AFDN: variants seen among roughly 807,000 people sequenced by gnomAD.
AFDN encodes afadin, adherens junction formation factor.
A neutral mutation model predicts 216.6 loss-of-function variants in AFDN; 68 were observed. The observed-to-expected ratio is 0.31, with a 90% confidence interval of 0.26 to 0.38. AFDN has a LOEUF of 0.38. Among genes scored for constraint, AFDN ranks in the 10% least tolerant of loss-of-function variants. The probability of loss-of-function intolerance (pLI) is 1.00; values close to 1 mark genes in which losing one functional copy is unlikely to be tolerated. For synonymous variants in AFDN, 868 were observed against 853.7 expected, an observed-to-expected ratio of 1.02 and a Z score of -0.29; for missense variants, 2,136 against 2,342.0, an observed-to-expected ratio of 0.91 and a Z score of 1.82.
At chr6:167,903,353 CCT>C (rs1789233479) in intron 12 of AFDN, among the ~76,000 whole-genome samples, 1 of 152,172 alleles carries the variant, frequency 6.6e-6, no homozygotes, top group Non-Finnish European at 1.5e-5. Flanking sequence ...GCCCACTGAC[CCT>C]CTCTCTGTGC....
chr6:167,950,873 T>TA (rs5881757), intron 29 of AFDN, among the ~76,000 whole-genome samples: 2,628 of 149,376 alleles, frequency 0.018, 34 homozygotes, highest in Non-Finnish European at 0.03. Context: ...TTTTTTTTTT[T>TA]AAATTTTAGT....
intron 30 of AFDN, among the ~76,000 whole-genome samples, chr6:167,958,060 C>T (rs958930235): frequency 6.6e-6 from 1 of 152,188 alleles, no homozygotes; most frequent in African/African-American, 2.4e-5. Context: ...ATCCAAAACT[C>T]TTTGAGCACC....
At chr6:167,889,150 C>A (rs1787244262) in intron 6 of AFDN, 65 bp from the exon 7 acceptor site, 2 of 1,052,414 alleles carry the variant, frequency 1.9e-6, no homozygotes, top group South Asian at 1.4e-5. Context: ...TAAATGTGTT[C>A]TTTTAAGTAC....
intron 11 of AFDN, among the ~76,000 whole-genome samples, chr6:167,902,041 C>T (rs1006932247): frequency 6.9e-6 from 1 of 144,334 alleles, no homozygotes; most frequent in African/African-American, 2.6e-5. Flanking sequence ...TGCAGTGAGC[C>T]GAAATTGTGC....
rs1785225366 is a variant in AFDN, at chr6:167,875,267, T to C, written c.579-68T>C. On this transcript the variant is annotated intron_variant, in intron 4 of 33. Coordinates refer to ENST00000683244, the MANE Select transcript of AFDN (RefSeq NM_001386888.1). Reference sequence around the variant, plus strand: ...ACCTGCCATTTTGATTTTTGTGCGGTTGCAATGTGTCTATTTCTAATAAGA... The same window carrying C: ...ACCTGCCATTTTGATTTTTGTGCGGCTGCAATGTGTCTATTTCTAATAAGA... 7 of 1,482,280 alleles carry C rather than the reference T, an allele frequency of 4.7e-6. No homozygotes were observed. The South Asian group carries it at 7.7e-5, about 16-fold the overall frequency. 91.8% of individuals were successfully genotyped at this position (1,482,280 alleles called of 1,614,324 possible). A position where few individuals can be genotyped will look rare whatever the true frequency, so the allele number is the denominator to read the frequency against.
chr6:167,862,595 G>C (rs561842724), intron 1 of AFDN, among the ~76,000 whole-genome samples: 1 of 152,126 alleles, frequency 6.6e-6, no homozygotes, highest in Non-Finnish European at 1.5e-5. Flanking sequence ...GGCTGGTCTC[G>C]AACTCCTGAT....
intron 1 of AFDN, among the ~76,000 whole-genome samples, chr6:167,850,255 C>G (rs969188875): frequency 1.3e-5 from 2 of 152,078 alleles, no homozygotes; most frequent in Non-Finnish European, 2.9e-5. Context: ...TCCCAACCCC[C>G]CTCTCGCTCA....
chr6:167,917,465 A>AGAGGAGAG (rs1350730063), intron 20 of AFDN, among the ~76,000 whole-genome samples: 1 of 152,210 alleles, frequency 6.6e-6, no homozygotes, highest in Non-Finnish European at 1.5e-5. Flanking sequence ...CAGAAGGACT[A>AGAGGAGAG]GAGGAGAGGA....
Position 167,965,840 on chromosome 6 carries a change from G to T in AFDN, c.5052G>T (p.Glu1684Asp). 1.3e-6 allele frequency: 2 copies of T among 1,550,476 alleles called. No individual in the cohort carries two copies. Among genetic ancestry groups the T allele is most frequent in the Non-Finnish European group, 1.7e-6 (2 of 1,147,094 alleles). The stretch of plus-strand genomic sequence containing the variant: ...ACGAGGCGGCGCGCAGGTTGCTGGA[G>T]CCCGAGGCGCCCGGTCTGTGCCGCC... Reference protein sequence around the residue: ...QHDEAARRLLEPEAPGLCRPP... With the variant: ...QHDEAARRLLDPEAPGLCRPP... The change falls in exon 32 of 34, where the codon GAG becomes GAT. Residue 1684 changes from glutamate (E) to aspartate (D), a missense_variant. Around this residue, in one of 8 missense-constraint regions of AFDN, gnomAD observed 981 missense variants for 966.0 expected, o/e 1.02. Transcript: ENST00000683244.
At chr6:167,889,402 T>C (rs1787282868) in intron 7 of AFDN, 76 bp downstream of exon 7, 3 of 990,664 alleles carry the variant, frequency 3.0e-6, no homozygotes, top group Non-Finnish European at 4.8e-6. Flanking sequence ...TCACATGATG[T>C]AGGAGATGTG....
chr6:167,936,672 C>T (rs1041458457), intron 23 of AFDN, among the ~76,000 whole-genome samples: 1 of 151,962 alleles, frequency 6.6e-6, no homozygotes, highest in African/African-American at 2.4e-5. Flanking sequence ...GCTCGACAGA[C>T]GACAGTTTGC....
chr6:167,930,113 G>A (rs1390953890), intron 23 of AFDN, among the ~76,000 whole-genome samples: 1 of 152,170 alleles, frequency 6.6e-6, no homozygotes, highest in African/African-American at 2.4e-5. Context: ...GCTGAGGCAG[G>A]AGGATGGTTT....
rs555107900 is a variant in AFDN, at chr6:167,946,628, C to CA, written c.3359-77dup. ...ATCACCTTATTTCTTATGCTAAGAA[C>CA]AATTCTTATGGAATTTTAATGATAA... is the stretch of plus-strand genomic sequence containing the variant. On this transcript the variant is annotated intron_variant, in intron 26 of 33. Coordinates refer to ENST00000683244, the MANE Select transcript of AFDN (RefSeq NM_001386888.1). 1.1e-5 allele frequency: 14 copies of CA among 1,303,816 alleles called. No individual in the cohort carries two copies. The South Asian group carries it at 1.7e-4, about 16-fold the overall frequency. 80.8% of individuals were successfully genotyped at this position (1,303,816 alleles called of 1,614,324 possible).
At chr6:167,840,933 A>G (rs928916317) in intron 1 of AFDN, among the ~76,000 whole-genome samples, 1 of 152,210 alleles carries the variant, frequency 6.6e-6, no homozygotes, top group Admixed American at 6.5e-5. Context: ...TGCAGTTCAG[A>G]TGGACCTCCG....
intron 13 of AFDN, among the ~76,000 whole-genome samples, chr6:167,909,659 G>C (rs538207199): frequency 8.1e-4 from 124 of 152,224 alleles, no homozygotes; most frequent in African/African-American, 2.9e-3. Context: ...CAAGATAACT[G>C]TGTTGACTTT....
intron 21 of AFDN, among the ~76,000 whole-genome samples, chr6:167,921,418 C>G (rs1190958697): frequency 1.3e-5 from 2 of 152,224 alleles, no homozygotes; most frequent in Admixed American, 1.3e-4. Context: ...AGAAGACTTA[C>G]AAAGAATCGA....
intron 1 of AFDN, among the ~76,000 whole-genome samples, chr6:167,849,640 A>G (rs1782078455): frequency 6.6e-6 from 1 of 152,170 alleles, no homozygotes; most frequent in South Asian, 2.1e-4. Context: ...TGTACTTTTT[A>G]GAAATCTATA....
At chr6:167,851,559 A>G (rs559624712) in intron 1 of AFDN, among the ~76,000 whole-genome samples, 1 of 152,348 alleles carries the variant, frequency 6.6e-6, no homozygotes, top group African/African-American at 2.4e-5. Flanking sequence ...CAAGTGCCTC[A>G]TATGTGGCAG....
At position 167,893,880 on chromosome 6, in the gene AFDN, C is replaced by T; in HGVS notation, c.1196C>T (p.Ala399Val). 1 of 1,588,788 alleles carries T rather than the reference C, an allele frequency of 6.3e-7. No individual in the cohort carries two copies. The highest frequency in any genetic ancestry group is 1.2e-5 in the South Asian group (1 of 86,890). ...ACCCCAGGGAGAAGGAATCACTTTG[C>T]CTACTACAACTATCACACTTACGAA... is the stretch of plus-strand genomic sequence containing the variant. ...ELSPGRRNHF[A>V]YYNYHTYEDG... Residue 399 changes from alanine to valine, a missense_variant, in exon 9 of 34, where the codon GCC becomes GTC. Ala to Val is a moderately conservative substitution (Grantham distance 64). This residue lies in a region of AFDN where 817 missense variants were observed against 965.7 expected (regional missense o/e 0.85). Transcript: ENST00000683244.
Sources: allele counts gnomAD v4.1 joint callset (sites outside exome capture counted in the v4.1 genomes callset), GRCh38; gene constraint gnomAD v4.1.1; regional missense constraint gnomAD v4.1.1; transcripts MANE v1.5; gene names NCBI Gene and HGNC (gene_info 2026-07-23, HGNC 2026-07-21).